The following GPC6 variants were observed in gnomAD, a reference collection of about 807,000 sequenced individuals.
GPC6 encodes the protein glypican 6.
Under a neutral mutation model 55.2 loss-of-function variants are expected in GPC6, and 14 were observed. The observed-to-expected ratio is 0.25, with a 90% confidence interval of 0.17 to 0.40. The LOEUF (loss-of-function observed/expected upper bound fraction) is 0.40, where lower values mean the gene tolerates loss of function less well. Among genes scored for constraint, GPC6 ranks in the 10% least tolerant of loss-of-function variants. The probability of loss-of-function intolerance (pLI) is 1.00; values close to 1 mark genes in which losing one functional copy is unlikely to be tolerated. For missense variants in GPC6, 641 were observed against 708.5 expected (o/e 0.90, Z 1.08); for synonymous variants, 278 against 259.6 (o/e 1.07, Z -0.68).
chr13:93,510,973 G>A (rs9524103), intron 1 of GPC6, among the ~76,000 whole-genome samples: 1,053 of 60,524 alleles, frequency 0.017, 138 homozygotes, highest in Middle Eastern at 0.043. Flanking sequence ...ATATATATGT[G>A]TATATATATA....
At chr13:93,719,916 C>T (rs1470139521) in intron 2 of GPC6, among the ~76,000 whole-genome samples, 3 of 152,136 alleles carry the variant, frequency 2.0e-5, no homozygotes, top group South Asian at 4.1e-4. Context: ...ACCAGCCTTG[C>T]ATCCCAGGGA....
At chr13:93,385,212 T>C (rs1196552085) in intron 1 of GPC6, among the ~76,000 whole-genome samples, 1 of 151,920 alleles carries the variant, frequency 6.6e-6, no homozygotes, top group Admixed American at 6.6e-5. Flanking sequence ...AGCTCCGAGG[T>C]GGGCATGATC....
At chr13:93,516,218 C>T (rs1236774345) in intron 1 of GPC6, among the ~76,000 whole-genome samples, 1 of 152,134 alleles carries the variant, frequency 6.6e-6, no homozygotes, top group Non-Finnish European at 1.5e-5. Flanking sequence ...GAAATCTTCA[C>T]AGCACCGATG....
intron 3 of GPC6, among the ~76,000 whole-genome samples, chr13:93,927,707 T>C (rs1351913283): frequency 6.6e-6 from 1 of 151,374 alleles, no homozygotes; most frequent in Non-Finnish European, 1.5e-5. Flanking sequence ...AAAAAAAGAA[T>C]TGGTGCATGA....
chr13:94,360,011 A>G (rs542287952), intron 6 of GPC6, among the ~76,000 whole-genome samples: 20 of 152,184 alleles, frequency 1.3e-4, no homozygotes, highest in African/African-American at 4.6e-4. Context: ...TTCTAATGCA[A>G]TGTTGTTAGA....
intron 2 of GPC6, among the ~76,000 whole-genome samples, chr13:93,551,643 A>G (rs1013306978): frequency 2.6e-5 from 4 of 152,182 alleles, no homozygotes; most frequent in Non-Finnish European, 5.9e-5. Context: ...GCAATTTCCA[A>G]CATTAGTGGG....
chr13:94,104,805 C>T (rs915992157), intron 4 of GPC6, among the ~76,000 whole-genome samples: 3 of 151,970 alleles, frequency 2.0e-5, no homozygotes, highest in African/African-American at 7.3e-5. Flanking sequence ...GGCTGCTCAA[C>T]AAAATAAAAG....
chr13:93,878,340 C>T (rs1310736487), intron 3 of GPC6, among the ~76,000 whole-genome samples: 1 of 152,040 alleles, frequency 6.6e-6, no homozygotes, highest in Non-Finnish European at 1.5e-5. Flanking sequence ...AGGTCTTCTG[C>T]TCTTCCACCA....
At chr13:93,915,892 G>T (rs572393869) in intron 3 of GPC6, among the ~76,000 whole-genome samples, 3 of 152,164 alleles carry the variant, frequency 2.0e-5, no homozygotes, top group African/African-American at 7.2e-5. Flanking sequence ...CTTTGTGAGT[G>T]GCTGCAGAGG....
intron 1 of GPC6, among the ~76,000 whole-genome samples, chr13:93,358,394 T>C (rs1391934614): frequency 2.0e-5 from 3 of 152,168 alleles, no homozygotes; most frequent in African/African-American, 4.8e-5. Flanking sequence ...TGCTGGAGAC[T>C]GTTGTAAGTG....
chr13:94,006,418 T>C (rs1293064218), intron 3 of GPC6, among the ~76,000 whole-genome samples: 2 of 152,162 alleles, frequency 1.3e-5, no homozygotes. Context: ...TTATACAGCT[T>C]CAGGAAAGCA....
chr13:93,976,129 A>G (rs1880504573), intron 3 of GPC6, among the ~76,000 whole-genome samples: 1 of 152,174 alleles, frequency 6.6e-6, no homozygotes. Context: ...TTCTGCCCTG[A>G]CAGTTCACAT....
intron 3 of GPC6, among the ~76,000 whole-genome samples, chr13:93,949,849 C>T (rs1023387704): frequency 1.3e-5 from 2 of 152,124 alleles, no homozygotes; most frequent in African/African-American, 4.8e-5. Flanking sequence ...ACCTCAGCCT[C>T]CCAAGTAGCT....
At chr13:93,479,613 C>CCT (rs925658657) in intron 1 of GPC6, among the ~76,000 whole-genome samples, 10 of 142,072 alleles carry the variant, frequency 7.0e-5, no homozygotes, top group African/African-American at 2.5e-4. Context: ...GTGAGACCCC[C>CCT]CCCCATCTCT....
intron 4 of GPC6, among the ~76,000 whole-genome samples, chr13:94,189,524 G>A (rs1434133139): frequency 6.6e-6 from 1 of 152,198 alleles, no homozygotes; most frequent in Non-Finnish European, 1.5e-5. Context: ...AGCAGTGGAT[G>A]TTGGGTATAA....
intron 6 of GPC6, among the ~76,000 whole-genome samples, chr13:94,326,037 C>G (rs1169684001): frequency 7.9e-5 from 12 of 152,174 alleles, no homozygotes; most frequent in Non-Finnish European, 2.9e-5. Flanking sequence ...AGAATTTGCT[C>G]TACATTCAGG....
At chr13:93,615,126 T>C (rs990812874) in intron 2 of GPC6, among the ~76,000 whole-genome samples, 4 of 152,192 alleles carry the variant, frequency 2.6e-5, no homozygotes, top group Admixed American at 2.6e-4. Flanking sequence ...AAGTTTACTT[T>C]CTAAGAAATC....
chr13:93,347,488 G>C (rs1323985), intron 1 of GPC6, among the ~76,000 whole-genome samples: 62,550 of 152,010 alleles, frequency 0.41, 14,317 homozygotes, highest in East Asian at 0.91. Flanking sequence ...CAAAGAAATG[G>C]TCTCTCAGTT....
chr13:93,619,185 G>A (rs1294420065), intron 2 of GPC6, among the ~76,000 whole-genome samples: 1 of 151,976 alleles, frequency 6.6e-6, no homozygotes, highest in East Asian at 1.9e-4. Flanking sequence ...AGTTGTTTGG[G>A]GTTTTTGTTT....
Sources: gnomAD v4.1 joint callset for allele counts (sites outside exome capture counted in the v4.1 genomes callset) on GRCh38, gnomAD v4.1.1 for gene constraint, MANE v1.5 for transcripts, NCBI Gene and HGNC (gene_info 2026-07-23, HGNC 2026-07-21) for gene names.